Variants in ACOT11 observed in about 807,000 individuals in gnomAD.
ACOT11 encodes acyl-coenzyme A thioesterase 11.
ACOT11 carries 69 observed loss-of-function variants against 77.5 expected under a neutral mutation model. That is an observed-to-expected ratio of 0.89 (90% CI 0.73 to 1.09). ACOT11 has a LOEUF of 1.09. ACOT11 is among the 50% of genes least tolerant of loss of function. ACOT11 has a pLI of 0.00. For synonymous variants in ACOT11, 279 were observed against 313.0 expected, an observed-to-expected ratio of 0.89 and a Z score of 1.15; for missense variants, 766 against 813.7, an observed-to-expected ratio of 0.94 and a Z score of 0.71.
downstream of ACOT11, chr1:54,611,693 G>A (rs375087607): frequency 8.1e-6 from 13 of 1,614,026 alleles, no homozygotes; most frequent in Non-Finnish European, 1.1e-5. Flanking sequence ...ACGTAGAGCA[G>A]ATCTTCCACC....
chr1:54,612,797 G>A, downstream of ACOT11: 3 of 959,562 alleles, frequency 3.1e-6, no homozygotes, highest in Non-Finnish European at 4.9e-6. Context: ...CTAGGGAGTG[G>A]CAGAGCCTAT....
intron 1 of ACOT11, among the ~76,000 whole-genome samples, chr1:54,579,657 C>A (rs115058053): frequency 0.013 from 1,977 of 152,320 alleles, 31 homozygotes; most frequent in East Asian, 0.038. Flanking sequence ...TGGGGCCTGG[C>A]CCACAACTCT....
At position 54,609,478 on chromosome 1, in the gene ACOT11, C is replaced by A. The variant is rs1464465269; in HGVS notation, c.*366C>A. 6 of 1,613,456 alleles carry A rather than the reference C, an allele frequency of 3.7e-6. No individual in the cohort carries two copies. The East Asian group carries it at 1.3e-4, about 36-fold the overall frequency. ...TGGCTCCAGCTGTGCTGTGGCCCAG[C>A]AGCATGGCCTGCATCTGGAAGGACA... On this transcript the variant is annotated 3_prime_UTR_variant, in exon 16 of 16. Coordinates refer to ENST00000343744, the MANE Select transcript of ACOT11 (RefSeq NM_147161.4).
rs770904203 is a variant in ACOT11 at position 54,609,044 on chromosome 1, T to A, written c.1717T>A (p.Phe573Ile). 1 of 1,614,120 alleles carries A rather than the reference T, an allele frequency of 6.2e-7. No individual in the cohort carries two copies. The highest frequency in any genetic ancestry group is 1.1e-5 in the South Asian group (1 of 91,078). Residue 573 changes from phenylalanine to isoleucine, a missense_variant, in exon 16 of 16, where the codon TTC (phenylalanine) becomes ATC (isoleucine). By Grantham distance (21) the Phe-to-Ile change is conservative. Transcript: ENST00000343744. ...AGLSSEFYTT[F>I]KACEQFLLDN... ...CCTCTCCTCTGAGTTCTACACCACC[T>A]TCAAGGCTTGTGAGCAGTTTCTCTT...
intron 10 of ACOT11, among the ~76,000 whole-genome samples, chr1:54,603,033 A>G (rs1643982815): frequency 6.6e-6 from 1 of 152,194 alleles, no homozygotes; most frequent in Admixed American, 6.5e-5. Flanking sequence ...TCTGATGCCC[A>G]TTTGGCAGAT....
downstream of ACOT11, chr1:54,612,619 A>G (rs1237191363): frequency 6.2e-7 from 1 of 1,614,096 alleles, no homozygotes; most frequent in African/African-American, 1.3e-5. Context: ...GCTTGGGTGT[A>G]CGTCCTGTTT....
downstream of ACOT11, among the ~76,000 whole-genome samples, chr1:54,613,018 GC>G (rs34221896): frequency 0.99 from 151,130 of 151,966 alleles, 75,155 homozygotes; most frequent in East Asian, 1. Context: ...CTGACTCAGA[GC>G]CCCCAGCGTG....
At chr1:54,563,082 G>T (rs12080375) in intron 1 of ACOT11, among the ~76,000 whole-genome samples, 1 of 151,702 alleles carries the variant, frequency 6.6e-6, no homozygotes, top group Non-Finnish European at 1.5e-5. Flanking sequence ...CGGGCCCTGC[G>T]GGGCCCGTCC....
At chr1:54,634,920 C>T (rs528754911) in exon 17 of ACOT11, 62 of 502,624 alleles carry the variant, frequency 1.2e-4, no homozygotes, top group Middle Eastern at 9.6e-4. Context: ...CTGAGGAAAG[C>T]GGGACAACCA....
intron 1 of ACOT11, among the ~76,000 whole-genome samples, chr1:54,554,309 G>GTA (rs1653174484): frequency 1.3e-5 from 1 of 76,028 alleles, no homozygotes; most frequent in African/African-American, 4.6e-5. Flanking sequence ...GTGTGTGTGT[G>GTA]TGTGTGTGTG....
At chr1:54,625,969 AG>A (rs1405882786) in intron 15 of ACOT11, among the ~76,000 whole-genome samples, 2 of 139,740 alleles carry the variant, frequency 1.4e-5, no homozygotes, top group African/African-American at 5.1e-5. Flanking sequence ...AAAGAAAAAA[AG>A]AAAAGAAAAG....
At position 54,589,891 on chromosome 1, in the gene ACOT11, A is replaced by T. The variant is rs145287655; in HGVS notation, c.312-2655A>T. On this transcript the variant is annotated intron_variant, in intron 3 of 15. Transcript: ENST00000343744. ...ATCATGAGATCATAAGATCCAGACCATCCTGGCTAACACGGTGAAACCCCG... is the reference window on the plus strand; with the variant it reads ...ATCATGAGATCATAAGATCCAGACCTTCCTGGCTAACACGGTGAAACCCCG... 4.4e-3 allele frequency among the ~76,000 whole-genome samples: 677 copies of T among 152,244 alleles called. 4 individuals are homozygous for T. Among genetic ancestry groups the T allele is most frequent in the African/African-American group, 0.016 (650 of 41,538 alleles).
At chr1:54,575,892 T>G (rs772974201) in intron 1 of ACOT11, among the ~76,000 whole-genome samples, 1 of 152,190 alleles carries the variant, frequency 6.6e-6, no homozygotes, top group South Asian at 2.1e-4. Context: ...AGAAAGCCAG[T>G]GTGACTGGGT....
chr1:54,586,174 G>A lies in ACOT11; in HGVS notation c.311+270G>A, dbSNP rs541149801. 6.6e-5 allele frequency among the ~76,000 whole-genome samples: 10 copies of A among 152,286 alleles called. No homozygotes were observed. In the East Asian group the frequency reaches 1.2e-3, roughly 18 times the overall value. Reference sequence around the variant, plus strand: ...CCGAGATAGCATAGTGGGGTGCTGCGTGACTTTGGGGAAGTCAGTCTCTCT... The same window carrying A: ...CCGAGATAGCATAGTGGGGTGCTGCATGACTTTGGGGAAGTCAGTCTCTCT... On this transcript the variant is annotated intron_variant, in intron 3 of 15. Coordinates refer to ENST00000343744, the MANE Select transcript of ACOT11 (RefSeq NM_147161.4).
At chr1:54,572,106 T>G (rs1483243268) in intron 1 of ACOT11, among the ~76,000 whole-genome samples, 1 of 151,820 alleles carries the variant, frequency 6.6e-6, no homozygotes, top group Non-Finnish European at 1.5e-5. Context: ...CCTGCTCGCC[T>G]CTCTTCTGCT....
rs185505189 is a variant in ACOT11, at chr1:54,601,236, G to T, written c.885-33G>T. 3.1e-5 allele frequency: 50 copies of T among 1,599,442 alleles called. No homozygotes were observed. In the African/African-American group the frequency reaches 6.5e-4, roughly 21 times the overall value. The stretch of plus-strand genomic sequence containing the variant: ...GGAGGCATGGCCCTTGGGAAGGTCT[G>T]TCCAGGTTGGAAGCCACACTCCCTC... On this transcript the variant is annotated intron_variant, in intron 8 of 15. Coordinates refer to ENST00000343744, the MANE Select transcript of ACOT11 (RefSeq NM_147161.4).
At chr1:54,631,965 A>C (rs907970589) in intron 16 of ACOT11, among the ~76,000 whole-genome samples, 1 of 152,210 alleles carries the variant, frequency 6.6e-6, no homozygotes, top group East Asian at 1.9e-4. Context: ...CCTTGTTGGC[A>C]ATGGCAATGG....
intron 1 of ACOT11, chr1:54,572,864 G>T (rs568885272): frequency 1.1e-6 from 1 of 946,180 alleles, no homozygotes; most frequent in African/African-American, 1.8e-5. Flanking sequence ...GGCGGGCTGA[G>T]ATTTCTGCAC....
chr1:54,592,424 GC>G, intron 3 of ACOT11, 121 bp from the exon 4 acceptor site: 1 of 896,474 alleles, frequency 1.1e-6, no homozygotes, highest in South Asian at 1.8e-5. Context: ...ATGTGAATAT[GC>G]CCTGCAAGCC....
Sources: gnomAD v4.1 joint callset for allele counts (sites outside exome capture counted in the v4.1 genomes callset) on GRCh38, gnomAD v4.1.1 for gene constraint, MANE v1.5 for transcripts, NCBI Gene and HGNC (gene_info 2026-07-23, HGNC 2026-07-21) for gene names.